The following SLC10A1 variants were observed in gnomAD, a reference collection of about 807,000 sequenced individuals.
SLC10A1 encodes solute carrier family 10 member 1, also known as hepatic sodium/bile acid cotransporter.
Under a neutral mutation model 20.5 loss-of-function variants are expected in SLC10A1, and 36 were observed. The ratio of observed to expected loss-of-function variants is 1.75; its 90% CI spans 1.34 to 2.32. SLC10A1 has a LOEUF of 2.32. Among genes scored for constraint, SLC10A1 ranks in the 30% most tolerant of loss-of-function variants. The pLI is 0.00. For synonymous variants in SLC10A1, 188 were observed against 163.6 expected, an observed-to-expected ratio of 1.15 and a Z score of -1.14; for missense variants, 545 against 439.1, an observed-to-expected ratio of 1.24 and a Z score of -2.16.
chr14:69,786,091 T>C lies in SLC10A1; in HGVS notation c.567+6A>G, dbSNP rs1232320532. ...CCCTAATTTGTCAAGCCTCCCAGGTTCTTACCTTGATGACATAGCGCATGT... is the reference window on the plus strand; with the variant it reads ...CCCTAATTTGTCAAGCCTCCCAGGTCCTTACCTTGATGACATAGCGCATGT... On this transcript the variant is annotated splice_donor_region_variant and intron_variant, in intron 2 of 4. Transcript: ENST00000216540. 1 of 1,613,344 alleles carries C rather than the reference T, an allele frequency of 6.2e-7. No individual in the cohort carries two copies. Among genetic ancestry groups the C allele is most frequent in the Admixed American group, 1.7e-5 (1 of 60,024 alleles).
At chr14:69,787,576 G>A (rs1229733967) in intron 1 of SLC10A1, among the ~76,000 whole-genome samples, 1 of 152,172 alleles carries the variant, frequency 6.6e-6, no homozygotes, top group African/African-American at 2.4e-5. Flanking sequence ...TATATCAAAG[G>A]TTCCAGAGCG....
At chr14:69,794,030 A>G (rs1401911362) in intron 1 of SLC10A1, among the ~76,000 whole-genome samples, 16 of 152,048 alleles carry the variant, frequency 1.1e-4, no homozygotes, top group Non-Finnish European at 1.5e-5. Flanking sequence ...GTGGAGGGAG[A>G]CACAGTTTCC....
chr14:69,780,203 C>T (rs1883558096), intron 2 of SLC10A1, among the ~76,000 whole-genome samples: 1 of 152,208 alleles, frequency 6.6e-6, no homozygotes, highest in African/African-American at 2.4e-5. Context: ...TGCAGGTCTA[C>T]TCTGAATGAA....
At chr14:69,790,140 A>G (rs1248603371) in intron 1 of SLC10A1, among the ~76,000 whole-genome samples, 20 of 152,188 alleles carry the variant, frequency 1.3e-4, no homozygotes, top group Admixed American at 1.3e-3. Context: ...AACCAAGTCA[A>G]TATGAAGCCG....
At chr14:69,777,602 TTTTA>T (rs559676185) in intron 4 of SLC10A1, among the ~76,000 whole-genome samples, 3,304 of 103,188 alleles carry the variant, frequency 0.032, 209 homozygotes, top group African/African-American at 0.14. Flanking sequence ...TTTTTTTTTT[TTTTA>T]AAATTGGTGT....
chr14:69,788,898 C>A (rs1883783872), intron 1 of SLC10A1, among the ~76,000 whole-genome samples: 1 of 151,976 alleles, frequency 6.6e-6, no homozygotes, highest in Non-Finnish European at 1.5e-5. Context: ...AAAAAATGGG[C>A]CAAGGATTTG....
At chr14:69,783,492 T>C (rs921997576) in intron 2 of SLC10A1, among the ~76,000 whole-genome samples, 1 of 152,112 alleles carries the variant, frequency 6.6e-6, no homozygotes, top group Admixed American at 6.5e-5. Context: ...GTGGGAGTGA[T>C]CCAGTGAAAG....
intron 1 of SLC10A1, among the ~76,000 whole-genome samples, chr14:69,791,058 A>G (rs1883826808): frequency 6.6e-6 from 1 of 152,260 alleles, no homozygotes; most frequent in East Asian, 1.9e-4. Flanking sequence ...TCTAAAGGAC[A>G]TGTAAGATCT....
intron 1 of SLC10A1, among the ~76,000 whole-genome samples, chr14:69,786,515 G>A (rs921442029): frequency 6.6e-6 from 1 of 152,142 alleles, no homozygotes; most frequent in African/African-American, 2.4e-5. Context: ...GCTCAAAGTC[G>A]CACAAGGTAG....
rs760854159 is a variant in SLC10A1 at position 69,779,204 on chromosome 14, CAG to C, written c.722_723del (p.Ser241CysfsTer36). ...FIGFLLGYVLSALFCLNGRCR... is the reference protein window; with the variant it reads ...FIGFLLGYVLXALFCLNGRCR... ...TACCGTCCATTGAGGCAGAAGAGAGCAGAGAGAACATAACCCAGCAGAAAGCC... is the reference window on the plus strand; with the variant it reads ...TACCGTCCATTGAGGCAGAAGAGAGCAGAGAACATAACCCAGCAGAAAGCC... On this transcript the variant is annotated frameshift_variant, in exon 3 of 5. Coordinates refer to ENST00000216540, the MANE Select transcript of SLC10A1 (RefSeq NM_003049.4). LOFTEE classifies it high-confidence loss of function. 3.2e-5 allele frequency: 51 copies of C among 1,610,458 alleles called. No homozygotes were observed. In the Admixed American group the frequency reaches 4.0e-4, roughly 13 times the overall value.
intron 1 of SLC10A1, among the ~76,000 whole-genome samples, chr14:69,796,527 A>G (rs1447783881): frequency 1.3e-5 from 2 of 152,144 alleles, no homozygotes; most frequent in Non-Finnish European, 2.9e-5. Flanking sequence ...CTTTAAGACA[A>G]TCCTTGAGAC....
Position 69,779,291 on chromosome 14 carries a change from TC to T in SLC10A1, c.636del (p.Ser213AlafsTer6), listed in dbSNP as rs1319914010. On this transcript the variant is annotated frameshift_variant, in exon 3 of 5. Transcript: ENST00000216540. LOFTEE classifies it high-confidence loss of function. ...AGTGGTGTCATGGCAAACATGATGC[TC>T]TTCCCCACATTGATGGCAGAGAGAA... ...VTVLSAINVG[K>X]SIMFAMTPLL... 6.2e-7 allele frequency: 1 copy of T among 1,613,910 alleles called. No individual in the cohort carries two copies. Among genetic ancestry groups the T allele is most frequent in the African/African-American group, 1.3e-5 (1 of 74,974 alleles).
chr14:69,778,732 C>T (rs1025755319), intron 3 of SLC10A1, among the ~76,000 whole-genome samples: 11 of 152,170 alleles, frequency 7.2e-5, no homozygotes, highest in African/African-American at 2.4e-4. Flanking sequence ...TTTTTCAAGT[C>T]TAAAGTCTCT....
chr14:69,791,294 A>G (rs962591200), intron 1 of SLC10A1, among the ~76,000 whole-genome samples: 2 of 152,006 alleles, frequency 1.3e-5, no homozygotes, highest in Admixed American at 1.3e-4. Context: ...GGCTAAGAAT[A>G]GCTAACATGA....
chr14:69,787,358 T>C (rs547344719), intron 1 of SLC10A1, among the ~76,000 whole-genome samples: 1 of 152,334 alleles, frequency 6.6e-6, no homozygotes, highest in Non-Finnish European at 1.5e-5. Context: ...GGGCATCTCC[T>C]TAGATTTATG....
chr14:69,776,934 AT>A (rs1051334521), intron 4 of SLC10A1, among the ~76,000 whole-genome samples: 2 of 152,210 alleles, frequency 1.3e-5, no homozygotes, highest in African/African-American at 4.8e-5. Flanking sequence ...AACTTGACAG[AT>A]TCCTCCCCCC....
At chr14:69,777,124 A>G (rs921856679) in intron 4 of SLC10A1, among the ~76,000 whole-genome samples, 5 of 152,312 alleles carry the variant, frequency 3.3e-5, no homozygotes, top group Admixed American at 2.0e-4. Flanking sequence ...TAAAACCTCA[A>G]ATCTGGGAAT....
Position 69,777,253 on chromosome 14 carries a change from A to G in SLC10A1, c.944-865T>C, listed in dbSNP as rs116401395. The stretch of plus-strand genomic sequence containing the variant: ...ACAACTCTACTGTAGCTTTGAACCA[A>G]AGCTTCTAAAATGGTTCTAGTGTAT... On this transcript the variant is annotated intron_variant, in intron 4 of 4. Coordinates refer to ENST00000216540, the MANE Select transcript of SLC10A1 (RefSeq NM_003049.4). 5.3e-3 allele frequency among the ~76,000 whole-genome samples: 803 copies of G among 152,278 alleles called. 10 individuals are homozygous for G. The highest frequency in any genetic ancestry group is 0.018 in the African/African-American group (752 of 41,554).
Position 69,786,232 on chromosome 14 carries a change from C to T in SLC10A1, c.432G>A (p.Gly144=), listed in dbSNP as rs1566637090. 1 of 1,613,944 alleles carries T rather than the reference C, an allele frequency of 6.2e-7. No individual in the cohort carries two copies. The highest frequency in any genetic ancestry group is 1.7e-5 in the Admixed American group (1 of 60,006). Reference sequence around the variant, plus strand: ...TGTCCTTCAGGTCCCCATCATAGATCCCCCTGGAGTAGATGTACAGGAGGA... The same window carrying T: ...TGTCCTTCAGGTCCCCATCATAGATTCCCCTGGAGTAGATGTACAGGAGGA... ...MPLLLYIYSR[G]IYDGDLKDKV... is the part of the protein sequence containing the mutation. Residue 144 remains glycine, a synonymous_variant, in exon 2 of 5, where the codon GGG becomes GGA. Transcript: ENST00000216540.
Sources: allele counts gnomAD v4.1 joint callset (sites outside exome capture counted in the v4.1 genomes callset), GRCh38; gene constraint gnomAD v4.1.1; transcripts MANE v1.5; gene names NCBI Gene and HGNC (gene_info 2026-07-23, HGNC 2026-07-21).